Variants in DMAC2L observed in about 807,000 individuals in gnomAD.
DMAC2L encodes the protein distal membrane arm assembly component 2 like.
Under a neutral mutation model 22.5 loss-of-function variants are expected in DMAC2L, and 21 were observed. That is an observed-to-expected ratio of 0.93 (90% CI 0.66 to 1.34). The LOEUF (loss-of-function observed/expected upper bound fraction) is 1.34, where lower values mean the gene tolerates loss of function less well. Among genes scored for constraint, DMAC2L ranks in the 40% most tolerant of loss-of-function variants. The pLI is 0.00. For synonymous variants in DMAC2L, 86 were observed against 89.5 expected (o/e 0.96, Z 0.22); for missense variants, 239 against 246.5 (o/e 0.97, Z 0.20).
chr14:50,314,772 G>C, intron 2 of DMAC2L, 146 bp downstream of exon 2: 1 of 383,880 alleles, frequency 2.6e-6, no homozygotes, highest in Non-Finnish European at 5.2e-6. Flanking sequence ...CTCCTGAGTA[G>C]CTGGGACTAT....
chr14:50,318,300 T>A (rs1191346562), intron 2 of DMAC2L, among the ~76,000 whole-genome samples: 1 of 152,258 alleles, frequency 6.6e-6, no homozygotes, highest in Non-Finnish European at 1.5e-5. Flanking sequence ...AAAGTTGCAG[T>A]TGAAATGTAA....
chr14:50,319,761 T>A (rs928569688), intron 2 of DMAC2L, among the ~76,000 whole-genome samples: 8 of 152,164 alleles, frequency 5.3e-5, no homozygotes, highest in Non-Finnish European at 8.8e-5. Context: ...TATGAAAAAC[T>A]AAAAGAAAAA....
At position 50,323,967 on chromosome 14, in the gene DMAC2L, A is replaced by T. The variant is rs2032503142; in HGVS notation, c.339A>T (p.Lys113Asn). Residue 113 changes from lysine (K) to asparagine (N), a missense_variant, in exon 5 of 6, where the codon AAA becomes AAT. By Grantham distance (94) the Lys-to-Asn change is moderately conservative. Coordinates refer to ENST00000557421, the MANE Select transcript of DMAC2L (RefSeq NM_001382507.1). ...DHMEGLEHVEKIRLCKCHYIE... is the reference protein window; with the variant it reads ...DHMEGLEHVENIRLCKCHYIE... ...CAGAGGGCCTAGAGCATGTTGAAAA[A>T]ATAAGGCTGTGCAAGTGTCATTATA... is the stretch of plus-strand genomic sequence containing the variant. 6.2e-7 allele frequency: 1 copy of T among 1,611,802 alleles called. No homozygotes were observed. The highest frequency in any genetic ancestry group is 1.1e-5 in the South Asian group (1 of 90,554).
chr14:50,325,641 C>T lies in DMAC2L; in HGVS notation c.521C>T (p.Pro174Leu), dbSNP rs2032664879. 6.2e-7 allele frequency: 1 copy of T among 1,611,826 alleles called. No homozygotes were observed. Among genetic ancestry groups the T allele is most frequent in the Non-Finnish European group, 8.5e-7 (1 of 1,179,028 alleles). Reference sequence around the variant, plus strand: ...AAATATTTGTTGTTAAGTGATCTTCCTGGAGTAAGAGAAAAAGAAAATCTT... The same window carrying T: ...AAATATTTGTTGTTAAGTGATCTTCTTGGAGTAAGAGAAAAAGAAAATCTT... Reference protein sequence around the residue: ...NLKYLLLSDLPGVREKENLVQ... With the variant: ...NLKYLLLSDLLGVREKENLVQ... The change falls in exon 6 of 6, where the codon CCT (proline) becomes CTT (leucine). Residue 174 changes from proline (P) to leucine (L), a missense_variant. By Grantham distance (98) the Pro-to-Leu change is moderately conservative. Transcript: ENST00000557421.
At chr14:50,322,294 C>T (rs1163597109) in intron 3 of DMAC2L, among the ~76,000 whole-genome samples, 1 of 152,122 alleles carries the variant, frequency 6.6e-6, no homozygotes, top group Non-Finnish European at 1.5e-5. Context: ...ACAGCGTTCA[C>T]GTGGAAACAA....
intron 1 of DMAC2L, among the ~76,000 whole-genome samples, chr14:50,313,293 C>T (rs1445420788): frequency 6.6e-6 from 1 of 152,112 alleles, no homozygotes; most frequent in African/African-American, 2.4e-5. Context: ...TGGTTCCAGT[C>T]TTTGGTCAGG....
chr14:50,315,499 T>C (rs146961728), intron 2 of DMAC2L, among the ~76,000 whole-genome samples: 2,151 of 150,812 alleles, frequency 0.014, 17 homozygotes, highest in Non-Finnish European at 0.022. Flanking sequence ...CCATCTCTAC[T>C]AAAATACAAA....
intron 5 of DMAC2L, 44 bp from the exon 6 acceptor site, chr14:50,325,565 A>T: frequency 6.5e-7 from 1 of 1,536,546 alleles, no homozygotes; most frequent in Non-Finnish European, 8.9e-7. Context: ...ATTTATTTTT[A>T]ATGCTCTTGG....
intron 1 of DMAC2L, among the ~76,000 whole-genome samples, chr14:50,314,048 G>A (rs1168111317): frequency 1.3e-5 from 2 of 152,180 alleles, no homozygotes; most frequent in Non-Finnish European, 2.9e-5. Flanking sequence ...ACATGTATCA[G>A]TAGTTCCTTC....
chr14:50,313,241 C>T (rs1231380587), intron 1 of DMAC2L, among the ~76,000 whole-genome samples: 1 of 152,168 alleles, frequency 6.6e-6, no homozygotes, highest in Non-Finnish European at 1.5e-5. Flanking sequence ...TAGAATTATA[C>T]AGATTTATTA....
rs1164163702 is a variant in DMAC2L at position 50,322,559 on chromosome 14, C to T, written c.156C>T (p.Ser52=). 33 of 1,613,724 alleles carry T rather than the reference C, an allele frequency of 2.0e-5. No homozygotes were observed. In the East Asian group the frequency reaches 4.0e-4, roughly 20 times the overall value. ...ATGTTGGCCCTGACAGGGCGGCATC[C>T]GAGTGGTTGCTGCGCTGTGGGGCCA... ...IRDVGPDRAA[S]EWLLRCGAMV... is the part of the protein sequence containing the mutation. The change falls in exon 4 of 6, where the codon TCC becomes TCT. Residue 52 remains serine, a synonymous_variant. Coordinates refer to ENST00000557421, the MANE Select transcript of DMAC2L (RefSeq NM_001382507.1).
intron 5 of DMAC2L, 126 bp from the exon 6 acceptor site, chr14:50,325,483 G>A: frequency 8.6e-7 from 1 of 1,166,284 alleles, no homozygotes; most frequent in Non-Finnish European, 1.2e-6. Context: ...TGCTCTAAAA[G>A]TAATTTTGAA....
rs10609243 is a variant in DMAC2L, at chr14:50,323,390, C to CT, written c.317-534dup. On this transcript the variant is annotated intron_variant, in intron 4 of 5. Coordinates refer to ENST00000557421, the MANE Select transcript of DMAC2L (RefSeq NM_001382507.1). ...AGGTGTGAGCCACTGCACCCGGCCT[C>CT]TTTTTTTTTTTTTTTTTTTTTGAGA... Among the ~76,000 whole-genome samples the CT allele has an allele frequency of 3.6e-3, 339 of 93,318 alleles. 2 individuals are homozygous for CT. Among genetic ancestry groups the CT allele is most frequent in the South Asian group, 7.4e-3 (19 of 2,558 alleles). 61.2% of individuals were successfully genotyped at this position (93,318 alleles called of 152,430 possible).
rs538050143 is a variant in DMAC2L at position 50,324,462 on chromosome 14, T to C, written c.488+346T>C. 5.5e-5 allele frequency: 9 copies of C among 163,550 alleles called. No homozygotes were observed. The East Asian group carries it at 1.6e-3, about 29-fold the overall frequency. 10.1% of individuals were successfully genotyped at this position (163,550 alleles called of 1,614,324 possible). A position where few individuals can be genotyped will look rare whatever the true frequency, so the allele number is the denominator to read the frequency against. ...ATGGTTTTAATATTTTCAAGACATT[T>C]GGTATATACCTATTAGCATTTTACT... On this transcript the variant is annotated intron_variant, in intron 5 of 5. Coordinates refer to ENST00000557421, the MANE Select transcript of DMAC2L (RefSeq NM_001382507.1).
intron 3 of DMAC2L, among the ~76,000 whole-genome samples, chr14:50,322,295 G>C (rs377144035): frequency 6.6e-6 from 1 of 152,206 alleles, no homozygotes; most frequent in African/African-American, 2.4e-5. Flanking sequence ...CAGCGTTCAC[G>C]TGGAAACAAA....
At chr14:50,312,010 C>T (rs987702231), upstream of DMAC2L, 3 of 1,562,146 alleles carry the variant, frequency 1.9e-6, no homozygotes, top group Non-Finnish European at 2.6e-6. Flanking sequence ...CGGCCACTCA[C>T]CTGGTGCTGG....
At chr14:50,312,204 A>T (rs1237766235), upstream of DMAC2L, 1 of 1,596,102 alleles carries the variant, frequency 6.3e-7, no homozygotes, top group South Asian at 1.1e-5. Context: ...TTGACCCTCC[A>T]CGGCCGAGGA....
intron 2 of DMAC2L, among the ~76,000 whole-genome samples, chr14:50,315,229 G>A (rs1385982802): frequency 1.3e-5 from 2 of 151,242 alleles, no homozygotes; most frequent in East Asian, 2.0e-4. Context: ...GCCTCCCAAA[G>A]TGTTGGGATT....
At position 50,326,177 on chromosome 14, in the gene DMAC2L, C is replaced by A; in HGVS notation, c.*454C>A. ...TTGGGAGGTGGAGGTTGCAGGGACC[C>A]GAGATTGTGCCACTGCACTCCAGCC... On this transcript the variant is annotated 3_prime_UTR_variant, in exon 6 of 6. Coordinates refer to ENST00000557421, the MANE Select transcript of DMAC2L (RefSeq NM_001382507.1). 1 of 232,824 alleles carries A rather than the reference C, an allele frequency of 4.3e-6. No individual in the cohort carries two copies. The highest frequency in any genetic ancestry group is 7.0e-6 in the Non-Finnish European group (1 of 143,380). 14.4% of individuals were successfully genotyped at this position (232,824 alleles called of 1,614,324 possible).
Sources: allele counts gnomAD v4.1 joint callset (sites outside exome capture counted in the v4.1 genomes callset), GRCh38; gene constraint gnomAD v4.1.1; transcripts MANE v1.5; gene names NCBI Gene and HGNC (gene_info 2026-07-23, HGNC 2026-07-21).